LRRN1: variants seen among roughly 807,000 people sequenced by gnomAD.
The protein encoded by LRRN1 is leucine-rich repeat neuronal protein 1.
In LRRN1, 14 loss-of-function variants were observed where a neutral mutation model predicts 45.8. The observed-to-expected ratio is 0.31, with a 90% CI of 0.20 to 0.48. The LOEUF (loss-of-function observed/expected upper bound fraction) is 0.48, where lower values mean the gene tolerates loss of function less well. Among genes scored for constraint, LRRN1 ranks in the 20% least tolerant of loss-of-function variants. LRRN1 has a pLI of 0.99. For missense variants in LRRN1, 789 were observed against 874.2 expected (o/e 0.90, Z 1.23); for synonymous variants, 359 against 330.1 (o/e 1.09, Z -0.95).
At chr3:3,833,967 T>C (rs1438673732) in intron 1 of LRRN1, among the ~76,000 whole-genome samples, 2 of 152,204 alleles carry the variant, frequency 1.3e-5, no homozygotes, top group African/African-American at 2.4e-5. Flanking sequence ...GGTGAGGCTG[T>C]GCATGCACCT....
chr3:3,834,525 GATATATATATATATATATATATAT>G (rs71040093), intron 1 of LRRN1, among the ~76,000 whole-genome samples: 2 of 27,310 alleles, frequency 7.3e-5, no homozygotes, highest in Non-Finnish European at 9.9e-5. Flanking sequence ...GACAGAACAG[GATATATATATATATATATATATAT>G]ATATGATATA....
At chr3:3,814,379 A>C (rs1052158212) in intron 1 of LRRN1, among the ~76,000 whole-genome samples, 1 of 151,606 alleles carries the variant, frequency 6.6e-6, no homozygotes, top group African/African-American at 2.4e-5. Context: ...CCCAGGAATC[A>C]GATGTATATG....
chr3:3,805,562 T>G (rs1390451433), intron 1 of LRRN1, among the ~76,000 whole-genome samples: 1 of 152,190 alleles, frequency 6.6e-6, no homozygotes, highest in African/African-American at 2.4e-5. Flanking sequence ...GGTAGATGAT[T>G]TCAATATCAC....
intron 1 of LRRN1, among the ~76,000 whole-genome samples, chr3:3,812,108 C>T (rs1003127087): frequency 3.3e-5 from 5 of 152,328 alleles, no homozygotes; most frequent in African/African-American, 7.2e-5. Flanking sequence ...TGGCAGATAT[C>T]TACAGCCCCA....
intron 1 of LRRN1, among the ~76,000 whole-genome samples, chr3:3,835,249 T>C (rs146845374): frequency 1.3e-5 from 2 of 152,318 alleles, no homozygotes; most frequent in African/African-American, 2.4e-5. Flanking sequence ...ACCTTGAATA[T>C]TGTCAGAACA....
intron 1 of LRRN1, among the ~76,000 whole-genome samples, chr3:3,826,896 C>G (rs1693228674): frequency 1.3e-5 from 2 of 152,124 alleles, no homozygotes; most frequent in South Asian, 4.1e-4. Context: ...ACAAAATTTA[C>G]TGTAATTTCT....
intron 1 of LRRN1, among the ~76,000 whole-genome samples, chr3:3,812,829 A>AC (rs1692905584): frequency 6.6e-6 from 1 of 150,868 alleles, no homozygotes; most frequent in Non-Finnish European, 1.5e-5. Flanking sequence ...AAAAAAAAAA[A>AC]AAAAGATGTA....
At chr3:3,828,017 A>T (rs1320833196) in intron 1 of LRRN1, among the ~76,000 whole-genome samples, 1 of 152,008 alleles carries the variant, frequency 6.6e-6, no homozygotes, top group East Asian at 1.9e-4. Flanking sequence ...CAAGATGAAA[A>T]TGAAATTCAA....
chr3:3,825,292 A>G (rs1435545213), intron 1 of LRRN1, among the ~76,000 whole-genome samples: 1 of 152,132 alleles, frequency 6.6e-6, no homozygotes, highest in African/African-American at 2.4e-5. Context: ...CCCAGCTTTT[A>G]TGCTCGACTT....
chr3:3,801,276 G>C (rs922990668), intron 1 of LRRN1: 5 of 152,216 alleles, frequency 3.3e-5, no homozygotes, highest in African/African-American at 4.8e-5. Context: ...AACCTAAATC[G>C]TAAAGGAAAA....
rs966434632 is a variant in LRRN1, at chr3:3,847,480, T to C, written c.*688T>C. On this transcript the variant is annotated 3_prime_UTR_variant, in exon 2 of 2. Coordinates refer to ENST00000319331, the MANE Select transcript of LRRN1 (RefSeq NM_020873.7). ...AGATTTTTTAATGTAACAAACTACA[T>C]GTTAATTGTTATCTTATTCTTTTTA... The C allele has an allele frequency of 1.2e-5, 2 of 167,006 alleles. No homozygotes were observed. Among genetic ancestry groups the C allele is most frequent in the Non-Finnish European group, 2.9e-5 (2 of 68,102 alleles). 10.3% of individuals were successfully genotyped at this position (167,006 alleles called of 1,614,324 possible).
At chr3:3,801,711 C>G (rs1692656504) in intron 1 of LRRN1, among the ~76,000 whole-genome samples, 1 of 152,172 alleles carries the variant, frequency 6.6e-6, no homozygotes, top group African/African-American at 2.4e-5. Flanking sequence ...CACCTTTATT[C>G]AGGAGCCAAA....
At chr3:3,826,511 G>T (rs1375318814) in intron 1 of LRRN1, among the ~76,000 whole-genome samples, 1 of 152,086 alleles carries the variant, frequency 6.6e-6, no homozygotes, top group Non-Finnish European at 1.5e-5. Flanking sequence ...GCTTGGTGAT[G>T]AATAATGTGG....
chr3:3,839,005 T>G (rs1344767915), intron 1 of LRRN1, among the ~76,000 whole-genome samples: 1 of 152,148 alleles, frequency 6.6e-6, no homozygotes, highest in Non-Finnish European at 1.5e-5. Context: ...GACCTTAAGT[T>G]TGAAATCATC....
chr3:3,825,449 A>G (rs1693196390), intron 1 of LRRN1, among the ~76,000 whole-genome samples: 1 of 152,236 alleles, frequency 6.6e-6, no homozygotes, highest in African/African-American at 2.4e-5. Context: ...TTTGTACACT[A>G]GTACATTTAT....
chr3:3,801,694 T>C (rs996061202), intron 1 of LRRN1, among the ~76,000 whole-genome samples: 2 of 152,340 alleles, frequency 1.3e-5, no homozygotes, highest in South Asian at 4.1e-4. Context: ...ATTCCATGGT[T>C]TGCTGACACC....
rs1346752657 is a variant in LRRN1 at position 3,845,119 on chromosome 3, G to A, written c.478G>A (p.Ala160Thr). 6.2e-7 allele frequency: 1 copy of A among 1,613,950 alleles called. No individual in the cohort carries two copies. Among genetic ancestry groups the A allele is most frequent in the Non-Finnish European group, 8.5e-7 (1 of 1,180,024 alleles). ...CCACAACCAAATTAGCACTATTTCT[G>A]CTCATGCTTTTGCAGGCTTAAAAAA... The part of the protein sequence containing the change: ...INHNQISTIS[A>T]HAFAGLKNLL... The change falls in exon 2 of 2, where the codon GCT (alanine) becomes ACT (threonine). Residue 160 changes from alanine (A) to threonine (T), a missense_variant. Physicochemically the swap from Ala to Thr is moderately conservative, Grantham distance 58. Coordinates refer to ENST00000319331, the MANE Select transcript of LRRN1 (RefSeq NM_020873.7). The surrounding 1 kb of genome is among the most constrained non-coding windows in gnomAD (Gnocchi z 6.5).
Position 3,844,734 on chromosome 3 carries a change from G to A in LRRN1, c.93G>A (p.Glu31=), listed in dbSNP as rs1336468436. Residue 31 remains glutamate (E), a synonymous_variant, in exon 2 of 2, where the codon GAG becomes GAA. Coordinates refer to ENST00000319331, the MANE Select transcript of LRRN1 (RefSeq NM_020873.7). ...CCGAGTCTTCCATACAGAATAGTGA[G>A]TGTCCACAACTTTGCGTATGTGAAA... The part of the protein sequence containing the change: ...SLTESSIQNS[E]CPQLCVCEIR... The A allele has an allele frequency of 6.2e-7, 1 of 1,614,104 alleles. No homozygotes were observed.
intron 1 of LRRN1, among the ~76,000 whole-genome samples, chr3:3,802,402 G>T (rs1402784566): frequency 1.3e-5 from 2 of 152,098 alleles, no homozygotes; most frequent in African/African-American, 2.4e-5. Flanking sequence ...TCACGGAACA[G>T]CATTTGCCCC....
Sources: allele counts gnomAD v4.1 joint callset (sites outside exome capture counted in the v4.1 genomes callset), GRCh38; gene constraint gnomAD v4.1.1; non-coding constraint Gnocchi (gnomAD v3.1); transcripts MANE v1.5; gene names NCBI Gene and HGNC (gene_info 2026-07-23, HGNC 2026-07-21).